The following PIEZO2 variants were observed in gnomAD, a reference collection of about 807,000 sequenced individuals.
The protein encoded by PIEZO2 is piezo type mechanosensitive ion channel component 2, also known as piezo-type mechanosensitive ion channel component 2.
PIEZO2 carries 172 observed loss-of-function variants against 337.3 expected under a neutral mutation model. The ratio of observed to expected loss-of-function variants is 0.51; its 90% CI spans 0.45 to 0.58. The LOEUF (loss-of-function observed/expected upper bound fraction) is 0.58. Among genes scored for constraint, PIEZO2 ranks in the 20% least tolerant of loss-of-function variants. The pLI, the probability that PIEZO2 is intolerant of heterozygous loss-of-function variation, is 0.00. For synonymous variants in PIEZO2, 1,251 were observed against 1,228.5 expected (o/e 1.02, Z -0.38); for missense variants, 3,028 against 3,391.3 (o/e 0.89, Z 2.66).
chr18:10,858,979 T>C (rs2041802909), intron 5 of PIEZO2, among the ~76,000 whole-genome samples: 1 of 152,210 alleles, frequency 6.6e-6, no homozygotes, highest in Non-Finnish European at 1.5e-5. Context: ...TCCTAGCATA[T>C]ATAGGAAGAG....
At chr18:10,720,395 GTGTGTGTGTATGTGTATGTGTA>G (rs1241162130) in intron 36 of PIEZO2, among the ~76,000 whole-genome samples, 9 of 23,176 alleles carry the variant, frequency 3.9e-4, no homozygotes, top group African/African-American at 1.0e-3. Flanking sequence ...GTGTGTGTGT[GTGTGTGTGTATGTGTATGTGTA>G]TGTATATATA....
At chr18:10,925,886 G>A (rs1042996657) in intron 3 of PIEZO2, among the ~76,000 whole-genome samples, 2 of 128,760 alleles carry the variant, frequency 1.6e-5, no homozygotes, top group Admixed American at 1.6e-4. Flanking sequence ...TTTAATGTAA[G>A]CAGTGTTTTT....
intron 5 of PIEZO2, among the ~76,000 whole-genome samples, chr18:10,864,333 C>T (rs1211296125): frequency 6.6e-6 from 1 of 152,014 alleles, no homozygotes; most frequent in African/African-American, 2.4e-5. Flanking sequence ...CACATGGGAC[C>T]CCAGTGGTTT....
At chr18:10,829,592 T>C (rs1246338743) in intron 7 of PIEZO2, among the ~76,000 whole-genome samples, 1 of 152,090 alleles carries the variant, frequency 6.6e-6, no homozygotes, top group South Asian at 2.1e-4. Flanking sequence ...GACAAACAAG[T>C]TCAATAAACT....
chr18:10,833,343 C>T lies in PIEZO2; in HGVS notation c.917+22010G>A, dbSNP rs868454215. Among the ~76,000 whole-genome samples, 3 of 152,126 alleles carry T rather than the reference C, an allele frequency of 2.0e-5. No individual in the cohort carries two copies. Among genetic ancestry groups the T allele is most frequent in the Middle Eastern group, 3.4e-3 (1 of 294 alleles). ...TGTGTTCTCTTTTCTTCTGGTACTT[C>T]GGAGCCCACTGTGACACCTGCAGCC... On this transcript the variant is annotated intron_variant, in intron 7 of 55. Transcript: ENST00000674853. The surrounding 1 kb of genome is among the most constrained non-coding windows in gnomAD (Gnocchi z 4.7).
At chr18:11,059,571 G>A (rs1344192436) in intron 2 of PIEZO2, among the ~76,000 whole-genome samples, 1 of 152,154 alleles carries the variant, frequency 6.6e-6, no homozygotes, top group African/African-American at 2.4e-5. Context: ...GATCTATCAT[G>A]CAAATGGAAA....
chr18:10,812,613 T>G (rs1230914777), intron 7 of PIEZO2, among the ~76,000 whole-genome samples: 1 of 151,986 alleles, frequency 6.6e-6, no homozygotes, highest in African/African-American at 2.4e-5. Context: ...CTGTGATGAG[T>G]CTTCCCCCTG....
At chr18:11,018,219 TG>T (rs1209658352) in intron 2 of PIEZO2, among the ~76,000 whole-genome samples, 9 of 125,856 alleles carry the variant, frequency 7.2e-5, no homozygotes, top group Admixed American at 1.6e-4. Context: ...GTGGTGGTGG[TG>T]GTGTGTGTGT....
rs1438612426 is a variant in PIEZO2, at chr18:10,962,521, G to A, written c.286+17014C>T. Among the ~76,000 whole-genome samples, 2 of 152,166 alleles carry A rather than the reference G, an allele frequency of 1.3e-5. No individual in the cohort carries two copies. The highest frequency in any genetic ancestry group is 4.8e-5 in the African/African-American group (2 of 41,436). The stretch of plus-strand genomic sequence containing the variant: ...CAAGCTTCCTCCAGTCTCTGTAGGT[G>A]TGATGTTTCCCCATCAACAGTCCCA... On this transcript the variant is annotated intron_variant, in intron 3 of 55. Transcript: ENST00000674853. This position sits in a 1 kb window ranked among gnomAD's most constrained non-coding sequence, Gnocchi z 4.1.
intron 7 of PIEZO2, among the ~76,000 whole-genome samples, chr18:10,835,276 AT>A (rs56962370): frequency 0.2 from 28,622 of 143,080 alleles, 2,524 homozygotes; most frequent in Middle Eastern, 0.29. Context: ...CAATGACCTC[AT>A]TTTTTTTTTT....
intron 3 of PIEZO2, among the ~76,000 whole-genome samples, chr18:10,964,990 T>C (rs888475702): frequency 4.6e-5 from 7 of 152,248 alleles, no homozygotes; most frequent in Non-Finnish European, 8.8e-5. Flanking sequence ...ATAACTTCAT[T>C]CATCCTTTAA....
intron 7 of PIEZO2, among the ~76,000 whole-genome samples, chr18:10,827,347 G>C (rs1283540528): frequency 6.6e-6 from 1 of 151,910 alleles, no homozygotes; most frequent in African/African-American, 2.4e-5. Flanking sequence ...ATATTCCTCA[G>C]TTTTCATTTC....
At chr18:11,145,590 G>C (rs1472335523) in intron 1 of PIEZO2, among the ~76,000 whole-genome samples, 1 of 152,274 alleles carries the variant, frequency 6.6e-6, no homozygotes, top group South Asian at 2.1e-4. Flanking sequence ...ATGGCAAGCA[G>C]ACCTTTGCAC....
chr18:10,705,892 A>G, intron 40 of PIEZO2, 146 bp from the exon 41 acceptor site: 1 of 1,062,468 alleles, frequency 9.4e-7, no homozygotes, highest in Non-Finnish European at 1.3e-6. Flanking sequence ...TTCTTTTAGG[A>G]TAATCACTCC....
intron 1 of PIEZO2, among the ~76,000 whole-genome samples, chr18:11,108,936 T>C (rs2039652844): frequency 6.6e-6 from 1 of 152,148 alleles, no homozygotes; most frequent in African/African-American, 2.4e-5. Context: ...GCACAGAAAC[T>C]CTTTCCAAGA....
chr18:11,144,362 C>G (rs977212003), intron 1 of PIEZO2, among the ~76,000 whole-genome samples: 5 of 151,966 alleles, frequency 3.3e-5, no homozygotes, highest in African/African-American at 1.2e-4. Flanking sequence ...GACAGAAAAG[C>G]AAGTTACTTT....
At chr18:10,990,435 C>T (rs1174900444) in intron 2 of PIEZO2, among the ~76,000 whole-genome samples, 1 of 152,076 alleles carries the variant, frequency 6.6e-6, no homozygotes, top group Non-Finnish European at 1.5e-5. Context: ...CTTCAACTCT[C>T]TCCACTCAAA....
chr18:10,726,474 C>G lies in PIEZO2; in HGVS notation c.5029+4933G>C, dbSNP rs1457070429. 4 of 1,523,790 alleles carry G rather than the reference C, an allele frequency of 2.6e-6. No homozygotes were observed. In the Admixed American group the frequency reaches 8.0e-5, roughly 30 times the overall value. 94.4% of individuals were successfully genotyped at this position (1,523,790 alleles called of 1,614,324 possible). A position where few individuals can be genotyped will look rare whatever the true frequency, so the allele number is the denominator to read the frequency against. On this transcript the variant is annotated intron_variant, in intron 36 of 55. Transcript: ENST00000674853. The surrounding 1 kb of genome is among the most constrained non-coding windows in gnomAD (Gnocchi z 5.9). The stretch of plus-strand genomic sequence containing the variant: ...GGCGAACCCCACGAGGAGGGCCTGG[C>G]CACCCTGCACAGCGTGCTGCTCCGC...
chr18:10,800,884 G>A (rs1308105239), intron 10 of PIEZO2, among the ~76,000 whole-genome samples: 1 of 152,202 alleles, frequency 6.6e-6, no homozygotes, highest in Non-Finnish European at 1.5e-5. Context: ...TTGGGCTGTG[G>A]TCCAACATTG....
Sources: gnomAD v4.1 joint callset for allele counts (sites outside exome capture counted in the v4.1 genomes callset) on GRCh38, gnomAD v4.1.1 for gene constraint, Gnocchi (gnomAD v3.1) non-coding constraint, MANE v1.5 for transcripts, NCBI Gene and HGNC (gene_info 2026-07-23, HGNC 2026-07-21) for gene names.